RIMS2: variants seen among roughly 807,000 people sequenced by gnomAD.
RIMS2 encodes regulating synaptic membrane exocytosis 2.
In RIMS2, 59 loss-of-function variants were observed where a neutral mutation model predicts 174.4. The observed-to-expected ratio is 0.34, with a 90% CI of 0.27 to 0.42. The LOEUF (loss-of-function observed/expected upper bound fraction) is 0.42. RIMS2 is among the 10% of genes least tolerant of loss of function. The pLI is 1.00. For synonymous variants in RIMS2, 606 were observed against 572.5 expected, an observed-to-expected ratio of 1.06 and a Z score of -0.84; for missense variants, 1,620 against 1,666.3, an observed-to-expected ratio of 0.97 and a Z score of 0.48.
At chr8:103,652,421 T>C (rs886453621) in intron 1 of RIMS2, among the ~76,000 whole-genome samples, 184 bp downstream of exon 2, 7 of 152,334 alleles carry the variant, frequency 4.6e-5, no homozygotes, top group Admixed American at 6.5e-5. Context: ...TGACTGGATG[T>C]AGTTTTTTGC....
At chr8:103,843,111 T>G (rs1437242898) in intron 3 of RIMS2, among the ~76,000 whole-genome samples, 1 of 152,246 alleles carries the variant, frequency 6.6e-6, no homozygotes, top group Non-Finnish European at 1.5e-5. Flanking sequence ...TCTGAGATGC[T>G]GGGAGTTAGA....
chr8:103,603,062 A>T (rs2094839783), intron 1 of RIMS2, among the ~76,000 whole-genome samples: 1 of 151,540 alleles, frequency 6.6e-6, no homozygotes, highest in African/African-American at 2.4e-5. Flanking sequence ...TTAGTTACAT[A>T]TGTATACATG....
intron 1 of RIMS2, among the ~76,000 whole-genome samples, chr8:103,582,256 C>A (rs1281818062): frequency 2.6e-5 from 4 of 152,116 alleles, no homozygotes; most frequent in East Asian, 1.9e-4. Flanking sequence ...ATTGAAGAGG[C>A]CTTGAGCACT....
chr8:103,666,778 T>G (rs2096674754), intron 1 of RIMS2, among the ~76,000 whole-genome samples: 1 of 152,114 alleles, frequency 6.6e-6, no homozygotes, highest in African/African-American at 2.4e-5. Flanking sequence ...AACTCATCCT[T>G]TTGGTCAGGT....
At chr8:104,098,518 A>G (rs922135493) in intron 19 of RIMS2, among the ~76,000 whole-genome samples, 2 of 152,296 alleles carry the variant, frequency 1.3e-5, no homozygotes, top group South Asian at 4.1e-4. Context: ...TTCAAACTAA[A>G]AATCAAGAAA....
chr8:104,249,887 CT>C (rs1439799276), intron 22 of RIMS2, among the ~76,000 whole-genome samples: 1 of 152,132 alleles, frequency 6.6e-6, no homozygotes, highest in Non-Finnish European at 1.5e-5. Flanking sequence ...ACAAGGAGTT[CT>C]TTTTTCTTAT....
chr8:104,211,794 G>A (rs932970104), intron 19 of RIMS2, among the ~76,000 whole-genome samples: 5 of 152,120 alleles, frequency 3.3e-5, no homozygotes, highest in Non-Finnish European at 7.4e-5. Context: ...GATTACAGGC[G>A]TGAGCCACCG....
intron 19 of RIMS2, among the ~76,000 whole-genome samples, chr8:104,227,910 G>A (rs1389215838): frequency 6.6e-6 from 1 of 151,854 alleles, no homozygotes; most frequent in Non-Finnish European, 1.5e-5. Context: ...GAAAACTGAG[G>A]AAAGAGTCTT....
intron 19 of RIMS2, among the ~76,000 whole-genome samples, chr8:104,050,648 T>A (rs1388463724): frequency 6.6e-6 from 1 of 152,166 alleles, no homozygotes; most frequent in Non-Finnish European, 1.5e-5. Context: ...CATTTAAGCA[T>A]CAGTGAAGGA....
At chr8:103,577,302 A>C (rs935802709) in intron 1 of RIMS2, among the ~76,000 whole-genome samples, 4 of 152,224 alleles carry the variant, frequency 2.6e-5, no homozygotes, top group Non-Finnish European at 1.5e-5. Flanking sequence ...ACATCTATGC[A>C]GCCAACAGAC....
At chr8:103,737,184 T>C (rs2097696784) in intron 2 of RIMS2, among the ~76,000 whole-genome samples, 1 of 127,318 alleles carries the variant, frequency 7.9e-6, no homozygotes, top group Non-Finnish European at 1.6e-5. Context: ...TCTTTTTTTT[T>C]TTTTTTTTTT....
chr8:103,655,560 T>C (rs1245723487), intron 1 of RIMS2, among the ~76,000 whole-genome samples: 1 of 152,190 alleles, frequency 6.6e-6, no homozygotes, highest in African/African-American at 2.4e-5. Flanking sequence ...TTTGCTATGA[T>C]TAATAAATGT....
intron 2 of RIMS2, among the ~76,000 whole-genome samples, chr8:103,756,990 TGTGTGTGTGTGTGTGTGTGTGAGAGAGA>T (rs1564526813): frequency 7.2e-6 from 1 of 138,380 alleles, no homozygotes; most frequent in Non-Finnish European, 1.5e-5. Context: ...TGTGTGTGTG[TGTGTGTGTGTGTGTGTGTGTGAGAGAGA>T]GAGAGAGAGA....
chr8:104,042,570 G>A (rs2096627024), intron 19 of RIMS2, among the ~76,000 whole-genome samples: 1 of 151,496 alleles, frequency 6.6e-6, no homozygotes, highest in Admixed American at 6.6e-5. Context: ...ACAAGTCCTG[G>A]TCACTGATCA....
chr8:103,749,320 T>C (rs1231518787), intron 2 of RIMS2, among the ~76,000 whole-genome samples: 1 of 147,620 alleles, frequency 6.8e-6, no homozygotes, highest in African/African-American at 2.5e-5. Flanking sequence ...CACCATGTTC[T>C]CCAGGATGGT....
chr8:103,759,390 C>G (rs899304014), intron 2 of RIMS2, among the ~76,000 whole-genome samples: 2 of 151,832 alleles, frequency 1.3e-5, no homozygotes, highest in Non-Finnish European at 2.9e-5. Flanking sequence ...ACGGTGAAAC[C>G]CTTTCTCTAC....
chr8:103,806,384 A>C (rs188135769), intron 3 of RIMS2, among the ~76,000 whole-genome samples: 2 of 152,122 alleles, frequency 1.3e-5, no homozygotes, highest in African/African-American at 4.8e-5. Flanking sequence ...TGAGAGTTCC[A>C]TAAGAAGTTG....
chr8:103,725,777 C>A (rs2097521428), intron 2 of RIMS2, among the ~76,000 whole-genome samples: 1 of 152,148 alleles, frequency 6.6e-6, no homozygotes, highest in African/African-American at 2.4e-5. Flanking sequence ...ATTTTCATTG[C>A]AAACAGTTTT....
At chr8:104,176,547 G>A (rs2098897266) in intron 19 of RIMS2, among the ~76,000 whole-genome samples, 1 of 151,980 alleles carries the variant, frequency 6.6e-6, no homozygotes, top group Non-Finnish European at 1.5e-5. Flanking sequence ...AGTAACCATA[G>A]TAACAATACA....
Sources: gnomAD v4.1 joint callset for allele counts (sites outside exome capture counted in the v4.1 genomes callset) on GRCh38, gnomAD v4.1.1 for gene constraint, MANE v1.5 for transcripts, NCBI Gene and HGNC (gene_info 2026-07-23, HGNC 2026-07-21) for gene names.